The following TXLNB variants were observed in gnomAD, a reference collection of about 807,000 sequenced individuals.
The protein encoded by TXLNB is beta-taxilin.
A neutral mutation model predicts 57.4 loss-of-function variants in TXLNB; 37 were observed. The ratio of observed to expected loss-of-function variants is 0.64; its 90% confidence interval spans 0.50 to 0.85. The LOEUF is 0.85. Ranked by LOEUF, TXLNB falls within the 40% of genes least tolerant of loss-of-function variation. TXLNB has a pLI of 0.00. For missense variants in TXLNB, 848 were observed against 825.6 expected, an observed-to-expected ratio of 1.03 and a Z score of -0.33; for synonymous variants, 302 against 309.6, an observed-to-expected ratio of 0.98 and a Z score of 0.26.
chr6:139,215,785 C>G, the TXLNB span, among the ~76,000 whole-genome samples: 10 of 151,686 alleles, frequency 6.6e-5, no homozygotes, highest in Non-Finnish European at 1.3e-4. Context: ...TACAAGAAAA[C>G]AAACAAACCC....
the TXLNB span, among the ~76,000 whole-genome samples, chr6:139,215,605 C>T: frequency 4.6e-5 from 7 of 152,274 alleles, no homozygotes; most frequent in African/African-American, 1.7e-4. Flanking sequence ...GCAATGGCAA[C>T]AAAAGCCAAA....
the TXLNB span, among the ~76,000 whole-genome samples, chr6:139,215,935 C>T: frequency 1.3e-5 from 2 of 151,832 alleles, no homozygotes; most frequent in Admixed American, 1.3e-4. Context: ...TACCATCTCA[C>T]ACCAGTTAGA....
the TXLNB span, among the ~76,000 whole-genome samples, chr6:139,211,346 C>T: frequency 2.6e-5 from 4 of 152,200 alleles, no homozygotes; most frequent in African/African-American, 4.8e-5. Context: ...CTGTAGCCCC[C>T]GCTGCTGATA....
At chr6:139,161,223 G>A in the TXLNB span, among the ~76,000 whole-genome samples, 1 of 152,098 alleles carries the variant, frequency 6.6e-6, no homozygotes, top group Non-Finnish European at 1.5e-5. Flanking sequence ...GTCTCCCTGG[G>A]AGCCTCACCC....
At chr6:139,283,434 G>A (rs1777100863) in intron 2 of TXLNB, among the ~76,000 whole-genome samples, 1 of 144,742 alleles carries the variant, frequency 6.9e-6, no homozygotes, top group African/African-American at 2.5e-5. Flanking sequence ...AAATTAGCCG[G>A]GAGTGGTGGC....
chr6:139,247,450 G>GTT (rs77105477), intron 8 of TXLNB, among the ~76,000 whole-genome samples: 1 of 96,134 alleles, frequency 1.0e-5, no homozygotes. Context: ...AAAAGTTTTT[G>GTT]TTTTTTTTTT....
In TXLNB at chr6:139,244,002, T is replaced by A. The variant is rs117158381; in HGVS notation, c.1266+593A>T. Among the ~76,000 whole-genome samples, 225 of 150,502 alleles carry A rather than the reference T, an allele frequency of 1.5e-3. 2 individuals are homozygous for A. In the East Asian group the frequency reaches 0.027, roughly 18 times the overall value. On this transcript the variant is annotated intron_variant, in intron 9 of 9. Transcript: ENST00000358430. ...CCCTTTGAGACCTTTTTTCCCCCAC[T>A]CGTTATACATGGAGAGACCTTCACC...
chr6:139,215,123 A>C, the TXLNB span, among the ~76,000 whole-genome samples: 13 of 151,304 alleles, frequency 8.6e-5, no homozygotes, highest in Non-Finnish European at 1.8e-4. Flanking sequence ...ATTGGAAAAA[A>C]CTACTTTAAA....
At chr6:139,231,883 C>A in the TXLNB span, among the ~76,000 whole-genome samples, 2 of 152,120 alleles carry the variant, frequency 1.3e-5, no homozygotes, top group African/African-American at 2.4e-5. Context: ...AACTTGGATA[C>A]TTTTATTCCA....
At chr6:139,208,948 G>C in the TXLNB span, among the ~76,000 whole-genome samples, 1 of 152,266 alleles carries the variant, frequency 6.6e-6, no homozygotes, top group African/African-American at 2.4e-5. Flanking sequence ...ATAGCAGTTA[G>C]ATAAGAGAAG....
the TXLNB span, among the ~76,000 whole-genome samples, chr6:139,192,995 A>C: frequency 6.6e-6 from 1 of 151,894 alleles, no homozygotes; most frequent in African/African-American, 2.4e-5. Context: ...AAACAACAAA[A>C]AAACCCTACT....
rs1187984180 is a variant in TXLNB, at chr6:139,242,689, G to A, written c.1892C>T (p.Pro631Leu). Residue 631 changes from proline to leucine, a missense_variant, in exon 10 of 10, where the codon CCT becomes CTT. By Grantham distance (98) the Pro-to-Leu change is moderately conservative. Coordinates refer to ENST00000358430, the MANE Select transcript of TXLNB (RefSeq NM_153235.4). ...CTCTTCTGCTGCGCATGCTGGAGCA[G>A]GCACATCTGCCTCCATCTTCTGTAG... The part of the protein sequence containing the change: ...ASLQKMEADV[P>L]APACAAEEHV... 3 of 1,611,386 alleles carry A rather than the reference G, an allele frequency of 1.9e-6. No individual in the cohort carries two copies. The highest frequency in any genetic ancestry group is 2.2e-5 in the East Asian group (1 of 44,874).
chr6:139,198,978 T>A, the TXLNB span, among the ~76,000 whole-genome samples: 1 of 151,984 alleles, frequency 6.6e-6, no homozygotes, highest in Non-Finnish European at 1.5e-5. Context: ...TTCCTTTTTT[T>A]TTTTTTTAAA....
At chr6:139,297,133 T>C in the TXLNB span, among the ~76,000 whole-genome samples, 1 of 152,158 alleles carries the variant, frequency 6.6e-6, no homozygotes, top group Non-Finnish European at 1.5e-5. Context: ...ATGTATTGTG[T>C]TCTAGTCCTC....
upstream of TXLNB, chr6:139,292,080 G>GCACA (rs754267593): frequency 3.1e-3 from 433 of 140,406 alleles, 1 homozygote; most frequent in African/African-American, 0.01. The surrounding 1 kb of genome is among the most constrained non-coding windows in gnomAD (Gnocchi z 4.0). Flanking sequence ...GTGCACGCAC[G>GCACA]CGCGCGCACA....
the TXLNB span, among the ~76,000 whole-genome samples, chr6:139,229,899 C>T: frequency 1.3e-5 from 2 of 152,224 alleles, no homozygotes; most frequent in African/African-American, 4.8e-5. Flanking sequence ...CCCTTGCCCA[C>T]TTTCTTCTGA....
the TXLNB span, among the ~76,000 whole-genome samples, chr6:139,300,519 G>A: frequency 1.3e-5 from 2 of 152,146 alleles, no homozygotes; most frequent in African/African-American, 4.8e-5. Context: ...CTTAAAGGGA[G>A]CCCATTACCT....
intron 9 of TXLNB, among the ~76,000 whole-genome samples, chr6:139,243,869 G>C (rs958382103): frequency 6.6e-6 from 1 of 152,166 alleles, no homozygotes; most frequent in South Asian, 2.1e-4. Context: ...ACTAATTCAC[G>C]ATGCTGGCTG....
rs1355428165 is a variant in TXLNB, at chr6:139,262,751, C to T, written c.710G>A (p.Arg237His). The T allele has an allele frequency of 2.0e-5, 33 of 1,613,562 alleles. No individual in the cohort carries two copies. The highest frequency in any genetic ancestry group is 4.5e-5 in the East Asian group (2 of 44,888). Residue 237 changes from arginine to histidine, a missense_variant, in exon 5 of 10, where the codon CGT (arginine) becomes CAT (histidine). Physicochemically the swap from Arg to His is conservative, Grantham distance 29 (BLOSUM62 0). Transcript: ENST00000358430. ...TTCCTTCCTTTTCTCTTCTTCCTCA[C>T]GTGCCCGCTGAAGCGCCTCTTCCTG... ...TLKEEALQRA[R>H]EEEEKRKEIT...
Sources: gnomAD v4.1 joint callset for allele counts (sites outside exome capture counted in the v4.1 genomes callset) on GRCh38, gnomAD v4.1.1 for gene constraint, Gnocchi (gnomAD v3.1) non-coding constraint, MANE v1.5 for transcripts, NCBI Gene and HGNC (gene_info 2026-07-23, HGNC 2026-07-21) for gene names.